NKAIN2: variants seen among roughly 807,000 people sequenced by gnomAD.
NKAIN2 encodes sodium/potassium-transporting ATPase subunit beta-1-interacting protein 2.
Under a neutral mutation model 32.6 loss-of-function variants are expected in NKAIN2, and 14 were observed. That is an observed-to-expected ratio of 0.43 (90% CI 0.28 to 0.67). NKAIN2 has a LOEUF of 0.67. Among genes scored for constraint, NKAIN2 ranks in the 30% least tolerant of loss-of-function variants. The pLI is 0.17. For missense variants in NKAIN2, 198 were observed against 258.3 expected, an observed-to-expected ratio of 0.77 and a Z score of 1.60; for synonymous variants, 80 against 87.2, an observed-to-expected ratio of 0.92 and a Z score of 0.46.
chr6:123,883,243 C>T (rs1243252003), intron 1 of NKAIN2, among the ~76,000 whole-genome samples: 2 of 152,084 alleles, frequency 1.3e-5, no homozygotes, highest in African/African-American at 4.8e-5. Context: ...CTCCTGGGTT[C>T]ATGCCATTCT....
intron 1 of NKAIN2, among the ~76,000 whole-genome samples, chr6:123,985,692 G>A (rs1174891065): frequency 6.6e-6 from 1 of 152,148 alleles, no homozygotes; most frequent in Non-Finnish European, 1.5e-5. Flanking sequence ...CTATGAAACA[G>A]CTAAAATATA....
intron 1 of NKAIN2, among the ~76,000 whole-genome samples, chr6:124,199,051 T>C (rs944638075): frequency 2.0e-5 from 3 of 152,212 alleles, no homozygotes; most frequent in African/African-American, 7.2e-5. Flanking sequence ...CATTCCTTTA[T>C]AATATTAAAA....
At chr6:124,530,499 A>G (rs1177870878) in intron 3 of NKAIN2, among the ~76,000 whole-genome samples, 4 of 152,092 alleles carry the variant, frequency 2.6e-5, no homozygotes, top group Non-Finnish European at 4.4e-5. Context: ...GGGACATTCA[A>G]TGGAACTCTT....
intron 1 of NKAIN2, among the ~76,000 whole-genome samples, chr6:124,018,537 T>C (rs547711077): frequency 4.6e-4 from 70 of 152,260 alleles, no homozygotes; most frequent in Middle Eastern, 3.4e-3. Context: ...CCAGATACTC[T>C]AAATCATCTA....
At chr6:124,170,389 A>G (rs538951955) in intron 1 of NKAIN2, among the ~76,000 whole-genome samples, 2 of 152,320 alleles carry the variant, frequency 1.3e-5, no homozygotes, top group African/African-American at 2.4e-5. Context: ...TGCCATTTCC[A>G]TAGATATTTT....
chr6:124,187,772 G>A (rs1789817762), intron 1 of NKAIN2, among the ~76,000 whole-genome samples: 1 of 152,044 alleles, frequency 6.6e-6, no homozygotes, highest in African/African-American at 2.4e-5. Context: ...GTTTTCCTCT[G>A]CCATACCTTC....
chr6:124,063,954 A>ATT (rs200135178), intron 1 of NKAIN2, among the ~76,000 whole-genome samples: 7 of 146,388 alleles, frequency 4.8e-5, no homozygotes, highest in Admixed American at 1.4e-4. Context: ...AAAACATATA[A>ATT]TTTTTTTTTT....
In NKAIN2 at chr6:124,237,987, A is replaced by T. The variant is rs1792867063; in HGVS notation, c.55-45018A>T. ...GTCAGAGGATAATTAAATGTATAGC[A>T]CAAGAGAACTAACACGATGCAGAGA... is the stretch of plus-strand genomic sequence containing the variant. On this transcript the variant is annotated intron_variant, in intron 1 of 6. Transcript: ENST00000368417. Among the ~76,000 whole-genome samples the T allele has an allele frequency of 2.6e-5, 4 of 152,166 alleles. No individual in the cohort carries two copies. In the South Asian group the frequency reaches 6.2e-4, roughly 24 times the overall value.
At chr6:124,047,255 C>T (rs1399143836) in intron 1 of NKAIN2, among the ~76,000 whole-genome samples, 1 of 151,992 alleles carries the variant, frequency 6.6e-6, no homozygotes, top group African/African-American at 2.4e-5. Context: ...TGGAGCCTCT[C>T]AGATCTTGGC....
At chr6:124,360,701 TAGG>T (rs1297164258) in intron 3 of NKAIN2, among the ~76,000 whole-genome samples, 4 of 152,168 alleles carry the variant, frequency 2.6e-5, no homozygotes, top group African/African-American at 7.2e-5. Context: ...CATAAGATGA[TAGG>T]AGCAAATAAA....
chr6:124,270,973 G>A (rs568981118), intron 1 of NKAIN2, among the ~76,000 whole-genome samples: 1 of 152,316 alleles, frequency 6.6e-6, no homozygotes, highest in South Asian at 2.1e-4. Context: ...ATCCGCATGT[G>A]TTAAGGGAGG....
chr6:124,067,017 C>T (rs75421522), intron 1 of NKAIN2, among the ~76,000 whole-genome samples: 11,622 of 152,048 alleles, frequency 0.076, 583 homozygotes, highest in East Asian at 0.23. Flanking sequence ...CTTTGGCTGA[C>T]ATGTGAAATG....
At chr6:124,068,353 CAT>C (rs1783288213) in intron 1 of NKAIN2, among the ~76,000 whole-genome samples, 1 of 151,918 alleles carries the variant, frequency 6.6e-6, no homozygotes, top group African/African-American at 2.4e-5. Flanking sequence ...TGATGAAAGA[CAT>C]AAAATAATCT....
intron 5 of NKAIN2, among the ~76,000 whole-genome samples, chr6:124,812,173 C>T (rs554858197): frequency 2.0e-5 from 3 of 152,118 alleles, no homozygotes; most frequent in Admixed American, 6.6e-5. Flanking sequence ...TGTTTTCTTC[C>T]TACTGGTATC....
intron 1 of NKAIN2, among the ~76,000 whole-genome samples, chr6:124,110,185 T>G (rs2114968057): frequency 6.6e-6 from 1 of 151,898 alleles, no homozygotes; most frequent in African/African-American, 2.4e-5. Context: ...ATTTTACTAT[T>G]ATCGAGTGCA....
At chr6:124,638,557 GCAA>G (rs373766706) in intron 3 of NKAIN2, among the ~76,000 whole-genome samples, 5 of 152,018 alleles carry the variant, frequency 3.3e-5, no homozygotes, top group East Asian at 3.9e-4. Flanking sequence ...AAATGACTCA[GCAA>G]CAACAACAAC....
intron 4 of NKAIN2, among the ~76,000 whole-genome samples, chr6:124,683,505 A>G (rs926717777): frequency 5.9e-5 from 9 of 152,160 alleles, no homozygotes; most frequent in African/African-American, 2.2e-4. Flanking sequence ...TTGATAATGC[A>G]TCTACCAAGT....
intron 3 of NKAIN2, among the ~76,000 whole-genome samples, chr6:124,517,072 A>G (rs1035863931): frequency 1.1e-4 from 16 of 152,152 alleles, no homozygotes; most frequent in Non-Finnish European, 2.4e-4. Context: ...AGTTCTAGAT[A>G]TGTCTTGGGA....
intron 1 of NKAIN2, among the ~76,000 whole-genome samples, chr6:124,093,180 A>G (rs1051412745): frequency 3.3e-5 from 5 of 152,078 alleles, no homozygotes; most frequent in Admixed American, 2.6e-4. Flanking sequence ...GTATATATCT[A>G]TGGGGAAGAC....
Sources: gnomAD v4.1 joint callset for allele counts (sites outside exome capture counted in the v4.1 genomes callset) on GRCh38, gnomAD v4.1.1 for gene constraint, MANE v1.5 for transcripts, NCBI Gene and HGNC (gene_info 2026-07-23, HGNC 2026-07-21) for gene names.